The following TACR1 variants were observed in gnomAD, a reference collection of about 807,000 sequenced individuals.
TACR1 encodes the protein tachykinin receptor 1.
TACR1 carries 25 observed loss-of-function variants against 35.8 expected under a neutral mutation model. The observed-to-expected ratio is 0.70, with a 90% CI of 0.51 to 0.98. The LOEUF (loss-of-function observed/expected upper bound fraction) is 0.98, where lower values mean the gene tolerates loss of function less well. TACR1 is among the 50% of genes least tolerant of loss of function. The pLI, the probability that TACR1 is intolerant of heterozygous loss-of-function variation, is 0.00. For synonymous variants in TACR1, 195 were observed against 206.7 expected (o/e 0.94, Z 0.48); for missense variants, 478 against 522.9 (o/e 0.91, Z 0.84).
chr2:75,090,702 A>AC (rs1673291760), intron 2 of TACR1: 1 of 153,992 alleles, frequency 6.5e-6, no homozygotes, highest in Non-Finnish European at 1.5e-5. Flanking sequence ...GCTCTCTTAC[A>AC]CCTTTTGAGA....
chr2:75,146,065 G>T (rs964979492), intron 1 of TACR1, among the ~76,000 whole-genome samples: 1 of 152,096 alleles, frequency 6.6e-6, no homozygotes, highest in Non-Finnish European at 1.5e-5. Flanking sequence ...GTAAAGGAGG[G>T]GTGGTATAAG....
At chr2:75,061,587 A>G (rs985883146) in intron 2 of TACR1, among the ~76,000 whole-genome samples, 2 of 152,190 alleles carry the variant, frequency 1.3e-5, no homozygotes, top group Admixed American at 6.5e-5. Flanking sequence ...TACATGTCCC[A>G]TCTTTCTGCA....
chr2:75,143,224 T>C (rs1177228386), intron 1 of TACR1, among the ~76,000 whole-genome samples: 1 of 152,240 alleles, frequency 6.6e-6, no homozygotes, highest in Non-Finnish European at 1.5e-5. Flanking sequence ...GGCTGGATCC[T>C]GATTGGCCTT....
intron 1 of TACR1, among the ~76,000 whole-genome samples, chr2:75,172,378 C>G (rs1411903223): frequency 6.6e-6 from 1 of 152,164 alleles, no homozygotes; most frequent in Non-Finnish European, 1.5e-5. Flanking sequence ...TTGCAAATGC[C>G]TGTTTCTCTG....
intron 1 of TACR1, among the ~76,000 whole-genome samples, chr2:75,124,827 A>T (rs1472027752): frequency 1.3e-5 from 2 of 152,228 alleles, no homozygotes; most frequent in Non-Finnish European, 2.9e-5. Context: ...GAGGAATTAG[A>T]ACCATAGGAG....
chr2:75,122,084 C>T (rs1428660794), intron 1 of TACR1, among the ~76,000 whole-genome samples: 3 of 152,192 alleles, frequency 2.0e-5, no homozygotes, highest in Non-Finnish European at 4.4e-5. Flanking sequence ...GGGCTATAAG[C>T]TTGTAATTTC....
At chr2:75,142,351 CT>C (rs1674424749) in intron 1 of TACR1, among the ~76,000 whole-genome samples, 1 of 152,200 alleles carries the variant, frequency 6.6e-6, no homozygotes, top group South Asian at 2.1e-4. Flanking sequence ...CCTGGGCCTC[CT>C]TTCTCAAGAA....
chr2:75,154,441 C>A (rs1674772385), intron 1 of TACR1: 2 of 108,074 alleles, frequency 1.9e-5, no homozygotes, highest in African/African-American at 3.1e-5. Context: ...CACACACACA[C>A]ACACACACAC....
chr2:75,172,414 T>C (rs972510526), intron 1 of TACR1, among the ~76,000 whole-genome samples: 1 of 152,220 alleles, frequency 6.6e-6, no homozygotes, highest in Non-Finnish European at 1.5e-5. Context: ...ACATAATTCT[T>C]TAATCTGAGA....
At chr2:75,164,050 G>A (rs897910866) in intron 1 of TACR1, among the ~76,000 whole-genome samples, 6 of 151,960 alleles carry the variant, frequency 3.9e-5, no homozygotes, top group African/African-American at 1.5e-4. Flanking sequence ...GGAGTGGGCC[G>A]GGTGCAGTGG....
intron 1 of TACR1, among the ~76,000 whole-genome samples, chr2:75,159,692 CTT>C (rs1674953515): frequency 1.3e-5 from 2 of 152,184 alleles, no homozygotes; most frequent in South Asian, 4.1e-4. Flanking sequence ...TTTGACCACA[CTT>C]TCCCTAATAT....
At chr2:75,125,713 C>T (rs917169829) in intron 1 of TACR1, among the ~76,000 whole-genome samples, 4 of 152,134 alleles carry the variant, frequency 2.6e-5, no homozygotes, top group Admixed American at 6.5e-5. Context: ...ACATGTAAGA[C>T]TGTTATGTGA....
At chr2:75,149,061 G>T (rs917140436) in intron 1 of TACR1, among the ~76,000 whole-genome samples, 2 of 152,132 alleles carry the variant, frequency 1.3e-5, no homozygotes, top group African/African-American at 2.4e-5. Flanking sequence ...TGAGGTCCCT[G>T]TTCTGTTCCA....
At position 75,132,833 on chromosome 2, in the gene TACR1, A is replaced by G. The variant is rs183011902; in HGVS notation, c.390-12065T>C. The stretch of plus-strand genomic sequence containing the variant: ...GTTTGTTTTAGACCAACCAACTTAA[A>G]TGAATTTGGTCTGCATCCCCATGTG... On this transcript the variant is annotated intron_variant, in intron 1 of 4. Coordinates refer to ENST00000305249, the MANE Select transcript of TACR1 (RefSeq NM_001058.4). Among the ~76,000 whole-genome samples the G allele has an allele frequency of 2.6e-5, 4 of 152,314 alleles. No individual in the cohort carries two copies. The East Asian group carries it at 5.8e-4, about 22-fold the overall frequency.
At chr2:75,180,121 G>A (rs759546558) in intron 1 of TACR1, among the ~76,000 whole-genome samples, 1 of 152,114 alleles carries the variant, frequency 6.6e-6, no homozygotes, top group Admixed American at 6.6e-5. Context: ...CTTTGTTCAA[G>A]TACCATCTCT....
intron 1 of TACR1, among the ~76,000 whole-genome samples, chr2:75,151,507 C>T (rs768667469): frequency 6.6e-6 from 1 of 152,182 alleles, no homozygotes; most frequent in African/African-American, 2.4e-5. Flanking sequence ...CCTGCAGGTG[C>T]ACAGAAGTCA....
chr2:75,174,811 A>G (rs940161991), intron 1 of TACR1, among the ~76,000 whole-genome samples: 8 of 152,190 alleles, frequency 5.3e-5, no homozygotes, highest in African/African-American at 1.9e-4. Context: ...TGGGGATTTC[A>G]TTAAAGATAT....
chr2:75,118,452 T>C (rs1673905036), intron 2 of TACR1, among the ~76,000 whole-genome samples: 1 of 152,168 alleles, frequency 6.6e-6, no homozygotes, highest in Admixed American at 6.5e-5. Context: ...AACATAACTG[T>C]ACATCCAGTA....
At chr2:75,120,229 C>G (rs78113413) in intron 2 of TACR1, among the ~76,000 whole-genome samples, 3 of 152,052 alleles carry the variant, frequency 2.0e-5, no homozygotes, top group Non-Finnish European at 4.4e-5. Context: ...GAGAGAAGAG[C>G]GGCATTCTGT....
Sources: allele counts gnomAD v4.1 joint callset (sites outside exome capture counted in the v4.1 genomes callset), GRCh38; gene constraint gnomAD v4.1.1; transcripts MANE v1.5; gene names NCBI Gene and HGNC (gene_info 2026-07-23, HGNC 2026-07-21).